The following DNAJC5B variants were observed in gnomAD, a reference collection of about 807,000 sequenced individuals.
DNAJC5B encodes the protein dnaJ homolog subfamily C member 5B.
Under a neutral mutation model 24.7 loss-of-function variants are expected in DNAJC5B, and 23 were observed. The ratio of observed to expected loss-of-function variants is 0.93; its 90% CI spans 0.67 to 1.32. The LOEUF (loss-of-function observed/expected upper bound fraction) is 1.32. Among genes scored for constraint, DNAJC5B ranks in the 40% most tolerant of loss-of-function variants. The pLI is 0.00. For missense variants in DNAJC5B, 238 were observed against 240.8 expected, an observed-to-expected ratio of 0.99 and a Z score of 0.08; for synonymous variants, 101 against 90.1, an observed-to-expected ratio of 1.12 and a Z score of -0.68.
intron 5 of DNAJC5B, among the ~76,000 whole-genome samples, chr8:66,084,580 G>T (rs931941249): frequency 2.6e-5 from 4 of 152,098 alleles, no homozygotes; most frequent in Non-Finnish European, 1.5e-5. Context: ...AAAGCCGCCT[G>T]TGGTGGGGAG....
chr8:66,092,633 C>T (rs1226294188), intron 5 of DNAJC5B, among the ~76,000 whole-genome samples: 8 of 152,096 alleles, frequency 5.3e-5, no homozygotes, highest in Non-Finnish European at 8.8e-5. Flanking sequence ...CCTCCTCAGA[C>T]GTAATGATCT....
intron 2 of DNAJC5B, among the ~76,000 whole-genome samples, chr8:66,046,899 T>C (rs1182974999): frequency 6.6e-6 from 1 of 152,232 alleles, no homozygotes; most frequent in East Asian, 1.9e-4. Flanking sequence ...ACTTTGGATG[T>C]CCATTATTTT....
At chr8:66,028,071 A>G (rs1449845254) in intron 1 of DNAJC5B, among the ~76,000 whole-genome samples, 1 of 152,230 alleles carries the variant, frequency 6.6e-6, no homozygotes, top group African/African-American at 2.4e-5. Flanking sequence ...AAAGTGCCCC[A>G]GGGGCTCAGA....
At chr8:66,088,957 C>A (rs1209645385) in intron 5 of DNAJC5B, among the ~76,000 whole-genome samples, 1 of 152,220 alleles carries the variant, frequency 6.6e-6, no homozygotes, top group African/African-American at 2.4e-5. Context: ...GTTCCAAAGT[C>A]ACTTCCATAT....
In DNAJC5B at chr8:66,051,602, G is replaced by A. The variant is rs1806846081; in HGVS notation, c.55G>A (p.Ala19Thr). The part of the protein sequence containing the change: ...RQRTLSTTGE[A>T]LYEILGLHKG... The stretch of plus-strand genomic sequence containing the variant: ...GCGGACTCTGTCAACAACAGGAGAA[G>A]CTCTATACGAAATTCTTGGTCTGCA... The change falls in exon 3 of 6, where the codon GCT (alanine) becomes ACT (threonine). Residue 19 changes from alanine to threonine, a missense_variant. Transcript: ENST00000276570. 2 of 1,614,128 alleles carry A rather than the reference G, an allele frequency of 1.2e-6. No individual in the cohort carries two copies. The highest frequency in any genetic ancestry group is 1.7e-6 in the Non-Finnish European group (2 of 1,180,008).
At chr8:66,033,992 C>T (rs919852935) in intron 1 of DNAJC5B, among the ~76,000 whole-genome samples, 1 of 152,034 alleles carries the variant, frequency 6.6e-6, no homozygotes, top group African/African-American at 2.4e-5. Flanking sequence ...GACCCATGTT[C>T]CTACCCTTGC....
At chr8:66,033,770 C>CTTTTT (rs765814272) in intron 1 of DNAJC5B, among the ~76,000 whole-genome samples, 5 of 105,382 alleles carry the variant, frequency 4.7e-5, no homozygotes, top group African/African-American at 8.0e-5. Context: ...GATCATTCCG[C>CTTTTT]TTTTTTTTTT....
upstream of DNAJC5B, among the ~76,000 whole-genome samples, chr8:66,018,144 T>C (rs1806002714): frequency 6.6e-6 from 1 of 152,180 alleles, no homozygotes; most frequent in South Asian, 2.1e-4. Context: ...CCTAGGAACC[T>C]GCTAAAAGTG....
intron 5 of DNAJC5B, among the ~76,000 whole-genome samples, chr8:66,092,304 G>A (rs1245480153): frequency 3.9e-5 from 6 of 152,118 alleles, no homozygotes; most frequent in African/African-American, 7.2e-5. Context: ...GCAGCACAAC[G>A]AGTGGAGGAA....
chr8:66,033,770 CTTTTT>C (rs765814272), intron 1 of DNAJC5B, among the ~76,000 whole-genome samples: 14 of 105,394 alleles, frequency 1.3e-4, no homozygotes, highest in Admixed American at 2.0e-4. Context: ...GATCATTCCG[CTTTTT>C]TTTTTTTTTT....
chr8:66,039,972 G>A (rs1032355302), intron 1 of DNAJC5B, among the ~76,000 whole-genome samples: 2 of 152,162 alleles, frequency 1.3e-5, no homozygotes, highest in Middle Eastern at 3.2e-3. Flanking sequence ...AATAATCTAT[G>A]TATATAAACG....
At position 66,029,573 on chromosome 8, in the gene DNAJC5B, G is replaced by C. The variant is rs191036382; in HGVS notation, c.-142+7868G>C. ...CCAGAGAAAGACTGGAGAAAGGACTGTCAGTTAGGAGGCTGGCAGGAGATA... is the reference window on the plus strand; with the variant it reads ...CCAGAGAAAGACTGGAGAAAGGACTCTCAGTTAGGAGGCTGGCAGGAGATA... On this transcript the variant is annotated intron_variant, in intron 1 of 5. Coordinates refer to ENST00000276570, the MANE Select transcript of DNAJC5B (RefSeq NM_033105.6). Among the ~76,000 whole-genome samples, 107 of 152,346 alleles carry C rather than the reference G, an allele frequency of 7.0e-4. 1 individual carries two copies. The highest frequency in any genetic ancestry group is 3.0e-3 in the Admixed American group (46 of 15,302).
At chr8:66,025,912 C>A (rs1806231252) in intron 1 of DNAJC5B, among the ~76,000 whole-genome samples, 1 of 97,250 alleles carries the variant, frequency 1.0e-5, no homozygotes. Flanking sequence ...GCGATGCGGG[C>A]TCTTTTTTGG....
chr8:66,071,254 GAACAGGC>G (rs1807341340), intron 3 of DNAJC5B, among the ~76,000 whole-genome samples: 1 of 152,174 alleles, frequency 6.6e-6, no homozygotes, highest in African/African-American at 2.4e-5. Flanking sequence ...GCATCAGAGT[GAACAGGC>G]AACCTACAGA....
At chr8:66,054,105 A>C (rs903125373) in intron 3 of DNAJC5B, among the ~76,000 whole-genome samples, 1 of 151,996 alleles carries the variant, frequency 6.6e-6, no homozygotes, top group South Asian at 2.1e-4. Flanking sequence ...CTTAATATAC[A>C]TATATTATAA....
At chr8:66,096,468 A>T (rs1807955494) in intron 5 of DNAJC5B, among the ~76,000 whole-genome samples, 1 of 152,130 alleles carries the variant, frequency 6.6e-6, no homozygotes, top group African/African-American at 2.4e-5. Context: ...AAGCAGTCAA[A>T]TTTTCCACAG....
chr8:66,046,674 C>T (rs1375888603), intron 2 of DNAJC5B, among the ~76,000 whole-genome samples: 1 of 152,210 alleles, frequency 6.6e-6, no homozygotes, highest in Non-Finnish European at 1.5e-5. Flanking sequence ...GAGGTATATG[C>T]CCGCTGCCCC....
chr8:66,018,443 C>T (rs373000908), upstream of DNAJC5B, among the ~76,000 whole-genome samples: 3 of 152,042 alleles, frequency 2.0e-5, no homozygotes, highest in Non-Finnish European at 4.4e-5. Context: ...TGCTTGAACC[C>T]GGGAGACAGA....
chr8:66,034,864 A>T (rs575367744), intron 1 of DNAJC5B, among the ~76,000 whole-genome samples: 94 of 152,288 alleles, frequency 6.2e-4, no homozygotes, highest in African/African-American at 2.1e-3. Context: ...CAGAAAACAG[A>T]TCTGCCTGGA....
Sources: gnomAD v4.1 joint callset for allele counts (sites outside exome capture counted in the v4.1 genomes callset) on GRCh38, gnomAD v4.1.1 for gene constraint, MANE v1.5 for transcripts, NCBI Gene and HGNC (gene_info 2026-07-23, HGNC 2026-07-21) for gene names.